Variants in ARID4B observed in about 807,000 individuals in gnomAD.
ARID4B encodes AT-rich interactive domain-containing protein 4B.
ARID4B carries 26 observed loss-of-function variants against 147.5 expected under a neutral mutation model. The observed-to-expected ratio is 0.18, with a 90% CI of 0.13 to 0.24. The LOEUF (loss-of-function observed/expected upper bound fraction) is 0.24, where lower values mean the gene tolerates loss of function less well. Among genes scored for constraint, ARID4B ranks in the 10% least tolerant of loss-of-function variants. The pLI, the probability that ARID4B is intolerant of heterozygous loss-of-function variation, is 1.00. For synonymous variants in ARID4B, 512 were observed against 507.9 expected (o/e 1.01, Z -0.11); for missense variants, 1,179 against 1,511.5 (o/e 0.78, Z 3.65).
intron 4 of ARID4B, among the ~76,000 whole-genome samples, chr1:235,256,603 G>C (rs888818173): frequency 6.6e-6 from 1 of 152,220 alleles, no homozygotes; most frequent in Non-Finnish European, 1.5e-5. Context: ...CCAACTGTTA[G>C]TGTAAAGGCT....
intron 6 of ARID4B, among the ~76,000 whole-genome samples, chr1:235,251,898 A>G (rs1011291610): frequency 6.6e-6 from 1 of 152,158 alleles, no homozygotes; most frequent in African/African-American, 2.4e-5. Flanking sequence ...GCTCTTAGTA[A>G]CATCTTTCAA....
chr1:235,297,611 A>G (rs1672834162), intron 2 of ARID4B, among the ~76,000 whole-genome samples: 3 of 152,164 alleles, frequency 2.0e-5, no homozygotes, highest in Admixed American at 2.0e-4. Flanking sequence ...TCAAGCCAAC[A>G]TAATCTAAAA....
chr1:235,168,248 G>C lies in ARID4B; in HGVS notation c.*277C>G, dbSNP rs556547046. 125 of 345,610 alleles carry C rather than the reference G, an allele frequency of 3.6e-4. No homozygotes were observed. Among genetic ancestry groups the C allele is most frequent in the African/African-American group, 2.3e-3 (109 of 47,834 alleles). 21.4% of individuals were successfully genotyped at this position (345,610 alleles called of 1,614,324 possible). A position where few individuals can be genotyped will look rare whatever the true frequency, so the allele number is the denominator to read the frequency against. The stretch of plus-strand genomic sequence containing the variant: ...TATGCTTACTGTATTGTCTCTACAG[G>C]CAGTGAAAAGCCTCCATTTGCCACA... On this transcript the variant is annotated 3_prime_UTR_variant, in exon 24 of 24. Transcript: ENST00000264183.
rs540800369 is a variant in ARID4B, at chr1:235,194,179, T to C, written c.1959A>G (p.Glu653=). ...GTTTACAGTTTTTTGGAGAGTATTT[T>C]TCATCTTTGTCTTTTTCTTTGTCTA... The part of the protein sequence containing the change: ...NKLDKEKDKD[E]KYSPKNCKLR... Residue 653 remains glutamate, a synonymous_variant, in exon 19 of 24, where the codon GAA becomes GAG. Coordinates refer to ENST00000264183, the MANE Select transcript of ARID4B (RefSeq NM_016374.6). 4 of 1,612,164 alleles carry C rather than the reference T, an allele frequency of 2.5e-6. No individual in the cohort carries two copies. The South Asian group carries it at 4.4e-5, about 18-fold the overall frequency.
chr1:235,172,455 G>A (rs375449550), intron 23 of ARID4B, among the ~76,000 whole-genome samples, 163 bp downstream of exon 23: 4 of 152,118 alleles, frequency 2.6e-5, no homozygotes, highest in Non-Finnish European at 4.4e-5. Flanking sequence ...GTGCATGCCT[G>A]TAATTCCAGC....
At chr1:235,277,543 A>AT (rs1245634505) in intron 2 of ARID4B, among the ~76,000 whole-genome samples, 2 of 141,158 alleles carry the variant, frequency 1.4e-5, no homozygotes, top group African/African-American at 5.8e-5. Context: ...TCTCAAAAAA[A>AT]AAAAAAAATA....
At chr1:235,229,958 T>C (rs1668097092) in intron 10 of ARID4B, among the ~76,000 whole-genome samples, 1 of 152,164 alleles carries the variant, frequency 6.6e-6, no homozygotes, top group African/African-American at 2.4e-5. Flanking sequence ...CCAATCTACA[T>C]AGCATATTAC....
intron 19 of ARID4B, chr1:235,187,116 C>A: frequency 3.0e-6 from 1 of 335,216 alleles, no homozygotes; most frequent in South Asian, 2.1e-5. Flanking sequence ...AGTTTCACTC[C>A]TGTTACCCAG....
chr1:235,302,891 C>T (rs1673279671), intron 2 of ARID4B, among the ~76,000 whole-genome samples: 1 of 152,068 alleles, frequency 6.6e-6, no homozygotes, highest in African/African-American at 2.4e-5. Flanking sequence ...AGTAATAGTG[C>T]CAGGATTAGA....
rs116515890 is a variant in ARID4B, at chr1:235,321,331, T to C, written c.6+5583A>G. Among the ~76,000 whole-genome samples, 748 of 152,306 alleles carry C rather than the reference T, an allele frequency of 4.9e-3. 6 individuals carry two copies. The highest frequency in any genetic ancestry group is 0.017 in the African/African-American group (699 of 41,546). On this transcript the variant is annotated intron_variant, in intron 2 of 23. Coordinates refer to ENST00000264183, the MANE Select transcript of ARID4B (RefSeq NM_016374.6). ...TAAATCCCTTCAAATATCATAGATA[T>C]GAGGTTAACATTCACACCAGATTAA... is the stretch of plus-strand genomic sequence containing the variant.
chr1:235,230,174 A>G (rs6659682), intron 10 of ARID4B, among the ~76,000 whole-genome samples: 151,900 of 152,302 alleles, frequency 1, 75,750 homozygotes, highest in East Asian at 1. Flanking sequence ...CCCAGCACTT[A>G]GGAGGCCAAG....
At chr1:235,306,552 AACT>A (rs2103262514) in intron 2 of ARID4B, among the ~76,000 whole-genome samples, 1 of 152,208 alleles carries the variant, frequency 6.6e-6, no homozygotes, top group Non-Finnish European at 1.5e-5. Context: ...TATGAGGATT[AACT>A]ACTATTTATT....
intron 20 of ARID4B, 88 bp downstream of exon 20, chr1:235,181,497 C>G: frequency 6.8e-7 from 1 of 1,468,322 alleles, no homozygotes. Context: ...TTAATCGCCT[C>G]AGGTTATAAC....
At chr1:235,322,119 C>T (rs942817887) in intron 2 of ARID4B, among the ~76,000 whole-genome samples, 4 of 152,014 alleles carry the variant, frequency 2.6e-5, no homozygotes, top group African/African-American at 9.7e-5. Context: ...ACCTCCACCT[C>T]CCGTGTTCAA....
intron 2 of ARID4B, among the ~76,000 whole-genome samples, chr1:235,321,161 A>G (rs1674804110): frequency 6.6e-6 from 1 of 152,246 alleles, no homozygotes; most frequent in Admixed American, 6.5e-5. Context: ...CTTCAGTGAC[A>G]TAGGTACTCA....
At chr1:235,264,076 C>A (rs560839459) in intron 2 of ARID4B, among the ~76,000 whole-genome samples, 2 of 152,244 alleles carry the variant, frequency 1.3e-5, no homozygotes, top group East Asian at 1.9e-4. Context: ...AGTGTTAATT[C>A]GTTAGAAAGA....
chr1:235,214,801 CT>C (rs1353948440), intron 16 of ARID4B, among the ~76,000 whole-genome samples: 2 of 143,766 alleles, frequency 1.4e-5, no homozygotes, highest in Non-Finnish European at 3.0e-5. Context: ...GTATATGAAA[CT>C]AAAAGTCAAA....
intron 17 of ARID4B, among the ~76,000 whole-genome samples, chr1:235,205,440 A>C (rs1367174752): frequency 6.6e-6 from 1 of 152,244 alleles, no homozygotes; most frequent in Non-Finnish European, 1.5e-5. Flanking sequence ...TGTAACCCAA[A>C]GAGGTCACAT....
At chr1:235,184,070 C>T (rs148615759) in intron 19 of ARID4B, among the ~76,000 whole-genome samples, 3 of 152,272 alleles carry the variant, frequency 2.0e-5, no homozygotes, top group Non-Finnish European at 4.4e-5. Context: ...TGAGCCACCA[C>T]ACCTGGCCAG....
Sources: allele counts gnomAD v4.1 joint callset (sites outside exome capture counted in the v4.1 genomes callset), GRCh38; gene constraint gnomAD v4.1.1; transcripts MANE v1.5; gene names NCBI Gene and HGNC (gene_info 2026-07-23, HGNC 2026-07-21).